NLGN1: variants seen among roughly 807,000 people sequenced by gnomAD.
The protein encoded by NLGN1 is neuroligin-1.
In NLGN1, 12 loss-of-function variants were observed where a neutral mutation model predicts 65.5. The ratio of observed to expected loss-of-function variants is 0.18; its 90% confidence interval spans 0.12 to 0.30. The LOEUF is 0.30. Among genes scored for constraint, NLGN1 ranks in the 10% least tolerant of loss-of-function variants. NLGN1 has a pLI of 1.00. For missense variants in NLGN1, 750 were observed against 1,007.1 expected, an observed-to-expected ratio of 0.74 and a Z score of 3.46; for synonymous variants, 350 against 359.5, an observed-to-expected ratio of 0.97 and a Z score of 0.30.
intron 4 of NLGN1, among the ~76,000 whole-genome samples, chr3:174,060,195 G>A (rs993857683): frequency 1.3e-5 from 2 of 151,958 alleles, no homozygotes; most frequent in African/African-American, 2.4e-5. Flanking sequence ...TAAAATTGGG[G>A]GTTCAGCTGA....
intron 4 of NLGN1, among the ~76,000 whole-genome samples, chr3:174,169,719 A>C (rs994457271): frequency 2.6e-5 from 4 of 152,090 alleles, no homozygotes; most frequent in African/African-American, 9.7e-5. Flanking sequence ...GATCAGTTCC[A>C]GGTCACTAAG....
intron 4 of NLGN1, among the ~76,000 whole-genome samples, chr3:173,808,509 T>A (rs1021627582): frequency 1.3e-5 from 2 of 152,152 alleles, no homozygotes; most frequent in African/African-American, 2.4e-5. Context: ...GAGATAGGCA[T>A]GTTATCTTAT....
At chr3:173,583,505 CTTAA>C (rs200983546) in intron 2 of NLGN1, among the ~76,000 whole-genome samples, 309 of 152,234 alleles carry the variant, frequency 2.0e-3, no homozygotes, top group African/African-American at 7.3e-3. Flanking sequence ...ACTAAAAAGG[CTTAA>C]TTATTTAGTC....
chr3:173,839,162 G>C (rs1457899223), intron 4 of NLGN1, among the ~76,000 whole-genome samples: 1 of 146,716 alleles, frequency 6.8e-6, no homozygotes, highest in African/African-American at 2.5e-5. Context: ...AATATGAATA[G>C]TAAACAAAAA....
intron 3 of NLGN1, among the ~76,000 whole-genome samples, chr3:173,771,722 C>T (rs1231533013): frequency 5.7e-5 from 3 of 52,458 alleles, no homozygotes; most frequent in African/African-American, 1.7e-4. Flanking sequence ...CAACATTAGA[C>T]TTGTTGATTA....
At chr3:174,220,183 A>G (rs959352093) in intron 4 of NLGN1, among the ~76,000 whole-genome samples, 2 of 152,156 alleles carry the variant, frequency 1.3e-5, no homozygotes, top group African/African-American at 4.8e-5. Flanking sequence ...TTCTGGTAGA[A>G]AAATCTAGGT....
At chr3:174,127,616 G>A (rs185292094) in intron 4 of NLGN1, among the ~76,000 whole-genome samples, 146 of 152,158 alleles carry the variant, frequency 9.6e-4, no homozygotes, top group African/African-American at 3.3e-3. Flanking sequence ...TCCTGCTGTA[G>A]AAACTCCTCT....
At chr3:174,187,747 A>G (rs1397523229) in intron 4 of NLGN1, among the ~76,000 whole-genome samples, 1 of 152,036 alleles carries the variant, frequency 6.6e-6, no homozygotes, top group Non-Finnish European at 1.5e-5. Context: ...AGAATGGCAC[A>G]AAATAAATGG....
At chr3:173,838,941 T>A (rs1161534724) in intron 4 of NLGN1, among the ~76,000 whole-genome samples, 2 of 152,216 alleles carry the variant, frequency 1.3e-5, no homozygotes, top group African/African-American at 4.8e-5. Context: ...TGGTATACAT[T>A]AATCCAGTTC....
chr3:174,004,962 A>G (rs1038624176), intron 4 of NLGN1, among the ~76,000 whole-genome samples: 3 of 152,150 alleles, frequency 2.0e-5, no homozygotes, highest in African/African-American at 4.8e-5. Context: ...AGGAAATGAT[A>G]AAAGCCTCTA....
chr3:173,472,525 A>C (rs1431049683), intron 2 of NLGN1, among the ~76,000 whole-genome samples: 1 of 152,006 alleles, frequency 6.6e-6, no homozygotes, highest in Non-Finnish European at 1.5e-5. Context: ...CACTTATCAA[A>C]TTGTATTTGA....
chr3:173,409,379 GA>G (rs1382310417), intron 1 of NLGN1, among the ~76,000 whole-genome samples: 3 of 152,014 alleles, frequency 2.0e-5, no homozygotes, highest in Non-Finnish European at 4.4e-5. Flanking sequence ...ACTTTTCTTG[GA>G]AAAAACTGTT....
intron 1 of NLGN1, among the ~76,000 whole-genome samples, chr3:173,403,622 C>G (rs982245560): frequency 6.6e-6 from 1 of 152,062 alleles, no homozygotes; most frequent in African/African-American, 2.4e-5. Context: ...ACAAGGAAAG[C>G]TTTATTTTCA....
At chr3:173,748,518 G>T (rs924074359) in intron 3 of NLGN1, among the ~76,000 whole-genome samples, 1 of 152,086 alleles carries the variant, frequency 6.6e-6, no homozygotes, top group Non-Finnish European at 1.5e-5. Flanking sequence ...AACATACATT[G>T]TTTGCCATTC....
Position 174,280,722 on chromosome 3 carries a change from T to C in NLGN1, c.1891T>C (p.Ser631Pro), listed in dbSNP as rs1751398087. 6.2e-7 allele frequency: 1 copy of C among 1,613,334 alleles called. No homozygotes were observed. The highest frequency in any genetic ancestry group is 8.5e-7 in the Non-Finnish European group (1 of 1,179,544). ...TACCTCTACAACAACTAAAGTGCCATCAACTGACATCACTTTCAGACCTAC... is the reference window on the plus strand; with the variant it reads ...TACCTCTACAACAACTAAAGTGCCACCAACTGACATCACTTTCAGACCTAC... Residue 631 changes from serine to proline, a missense_variant, in exon 7 of 7, where the codon TCA becomes CCA. Transcript: ENST00000457714. This position sits in a 1 kb window ranked among gnomAD's most constrained non-coding sequence, Gnocchi z 4.9.
intron 4 of NLGN1, among the ~76,000 whole-genome samples, chr3:173,867,669 G>T (rs1183868175): frequency 1.3e-5 from 2 of 151,862 alleles, no homozygotes; most frequent in Admixed American, 1.3e-4. Flanking sequence ...ATAAAAAGAT[G>T]ATTTATCATT....
At chr3:173,441,101 G>C (rs1335476817) in intron 2 of NLGN1, among the ~76,000 whole-genome samples, 1 of 152,168 alleles carries the variant, frequency 6.6e-6, no homozygotes, top group East Asian at 1.9e-4. Flanking sequence ...CTAGCTTCCA[G>C]CTTTCCTTCT....
At chr3:173,743,033 C>T (rs1774883327) in intron 3 of NLGN1, among the ~76,000 whole-genome samples, 1 of 152,102 alleles carries the variant, frequency 6.6e-6, no homozygotes, top group African/African-American at 2.4e-5. Flanking sequence ...TGCATTGCTA[C>T]AGAAGGCCAG....
At chr3:173,634,690 G>A (rs1577654886) in intron 3 of NLGN1, among the ~76,000 whole-genome samples, 1 of 152,048 alleles carries the variant, frequency 6.6e-6, no homozygotes, top group Non-Finnish European at 1.5e-5. Flanking sequence ...TTATAATTGA[G>A]TCTATTTACT....
Sources: gnomAD v4.1 joint callset for allele counts (sites outside exome capture counted in the v4.1 genomes callset) on GRCh38, gnomAD v4.1.1 for gene constraint, Gnocchi (gnomAD v3.1) non-coding constraint, MANE v1.5 for transcripts, NCBI Gene and HGNC (gene_info 2026-07-23, HGNC 2026-07-21) for gene names.